Variants in TENM2 observed in about 807,000 individuals in gnomAD.
The protein encoded by TENM2 is teneurin transmembrane protein 2.
A neutral mutation model predicts 245.2 loss-of-function variants in TENM2; 52 were observed. The observed-to-expected ratio is 0.21, with a 90% confidence interval of 0.17 to 0.27. The LOEUF is 0.27. TENM2 is among the 10% of genes least tolerant of loss of function. The pLI is 1.00. For missense variants in TENM2, 3,046 were observed against 3,666.8 expected (o/e 0.83, Z 4.37); for synonymous variants, 1,363 against 1,438.9 (o/e 0.95, Z 1.19).
chr5:168,137,217 G>A (rs1755132675), intron 12 of TENM2, among the ~76,000 whole-genome samples: 1 of 152,220 alleles, frequency 6.6e-6, no homozygotes, highest in African/African-American at 2.4e-5. Context: ...TCCAAGTTTA[G>A]CCACCACAGC....
chr5:167,801,103 AAAAAAAATATATAT>A lies in TENM2; in HGVS notation c.503-74881_503-74868del, dbSNP rs1388564581. Among the ~76,000 whole-genome samples, 17 of 64,498 alleles carry A rather than the reference AAAAAAAATATATAT, an allele frequency of 2.6e-4. 1 individual carries two copies. In the South Asian group the frequency reaches 5.4e-3, roughly 20 times the overall value. The allele number at this position is 64,498 out of a possible 152,430, so 42.3% of individuals were successfully genotyped here. ...TTGAATGTATTTGAAAAGAAAAAAA[AAAAAAAATATATAT>A]ATATATATATATATATATATATATA... On this transcript the variant is annotated intron_variant, in intron 2 of 28. Coordinates refer to ENST00000518659, the Ensembl canonical transcript of TENM2.
intron 5 of TENM2, among the ~76,000 whole-genome samples, chr5:167,994,920 G>A (rs1262787113): frequency 1.3e-5 from 2 of 152,186 alleles, no homozygotes; most frequent in Non-Finnish European, 2.9e-5. Flanking sequence ...AGCTTTGTGT[G>A]CTTCTGCAGG....
At chr5:167,702,552 G>GTGTGTATATATATATA (rs58351767) in intron 2 of TENM2, among the ~76,000 whole-genome samples, 1 of 136,782 alleles carries the variant, frequency 7.3e-6, no homozygotes, top group Non-Finnish European at 1.5e-5. Context: ...GTGTGTGTGT[G>GTGTGTATATATATATA]TATATATATA....
At chr5:167,299,849 C>T (rs1229212719) in intron 1 of TENM2, among the ~76,000 whole-genome samples, 6 of 151,878 alleles carry the variant, frequency 4.0e-5, no homozygotes, top group Admixed American at 3.3e-4. Flanking sequence ...ATGGGAGACT[C>T]AACAAAGAGT....
At chr5:168,160,970 T>G (rs111605072) in intron 12 of TENM2, among the ~76,000 whole-genome samples, 3,806 of 152,108 alleles carry the variant, frequency 0.025, 160 homozygotes, top group African/African-American at 0.086. Flanking sequence ...GTTCAAGGTG[T>G]CAGTGAGCTA....
chr5:168,077,862 A>C (rs187511502), intron 7 of TENM2, among the ~76,000 whole-genome samples: 1 of 152,118 alleles, frequency 6.6e-6, no homozygotes, highest in Non-Finnish European at 1.5e-5. Flanking sequence ...AGTCTTTGCT[A>C]TTGTGAATAG....
At chr5:167,366,324 A>G (rs1303695926) in intron 1 of TENM2, among the ~76,000 whole-genome samples, 1 of 152,156 alleles carries the variant, frequency 6.6e-6, no homozygotes. Flanking sequence ...AAATTTTCTA[A>G]ATCAACTCAT....
the TENM2 span, among the ~76,000 whole-genome samples, chr5:167,262,969 C>A: frequency 5.6e-4 from 85 of 152,256 alleles, no homozygotes; most frequent in East Asian, 0.01. Context: ...CCACTGCATT[C>A]TCAACATGGT....
At chr5:167,852,240 T>C (rs1770648138) in intron 2 of TENM2, among the ~76,000 whole-genome samples, 1 of 152,226 alleles carries the variant, frequency 6.6e-6, no homozygotes, top group African/African-American at 2.4e-5. Flanking sequence ...GAACTTAATA[T>C]ATTATGTCAA....
the TENM2 span, among the ~76,000 whole-genome samples, chr5:166,996,622 A>G: frequency 6.6e-6 from 1 of 152,350 alleles, no homozygotes; most frequent in South Asian, 2.1e-4. Context: ...TTAAAGGGCT[A>G]TGATACAAAG....
chr5:167,452,771 T>G (rs1280461524), intron 2 of TENM2, among the ~76,000 whole-genome samples: 1 of 150,680 alleles, frequency 6.6e-6, no homozygotes, highest in African/African-American at 2.4e-5. Context: ...TCACACACCG[T>G]GGCCTGTTGT....
At chr5:167,299,839 A>AT (rs1377629772) in intron 1 of TENM2, among the ~76,000 whole-genome samples, 1 of 152,146 alleles carries the variant, frequency 6.6e-6, no homozygotes, top group Non-Finnish European at 1.5e-5. Flanking sequence ...AATGGTAATT[A>AT]TGGGAGACTC....
At chr5:168,015,821 C>A (rs1785604676) in intron 5 of TENM2, among the ~76,000 whole-genome samples, 1 of 152,210 alleles carries the variant, frequency 6.6e-6, no homozygotes, top group Non-Finnish European at 1.5e-5. Flanking sequence ...GTAGCTAACA[C>A]ATGGTGAGCA....
intron 2 of TENM2, among the ~76,000 whole-genome samples, chr5:167,386,969 T>C (rs1438144451): frequency 6.6e-6 from 1 of 152,172 alleles, no homozygotes; most frequent in Non-Finnish European, 1.5e-5. Flanking sequence ...TTCTTTTTGT[T>C]TGGTCTTGCT....
intron 1 of TENM2, among the ~76,000 whole-genome samples, chr5:167,326,605 G>A (rs533533333): frequency 9.2e-5 from 14 of 151,480 alleles, no homozygotes; most frequent in East Asian, 5.8e-4. Context: ...CCCAGGAGAC[G>A]GAGGTTGCAG....
At chr5:167,878,418 G>GT (rs1465967043) in intron 3 of TENM2, among the ~76,000 whole-genome samples, 1 of 152,134 alleles carries the variant, frequency 6.6e-6, no homozygotes, top group Non-Finnish European at 1.5e-5. Flanking sequence ...AACTGAGGGA[G>GT]TGAAGGCCCA....
At chr5:168,234,344 G>C (rs1765226440) in intron 25 of TENM2, among the ~76,000 whole-genome samples, 1 of 152,060 alleles carries the variant, frequency 6.6e-6, no homozygotes, top group South Asian at 2.1e-4. Flanking sequence ...CAGGGAGCTG[G>C]GGATCTGTGA....
At chr5:167,252,577 G>A in the TENM2 span, among the ~76,000 whole-genome samples, 2 of 152,074 alleles carry the variant, frequency 1.3e-5, no homozygotes, top group Non-Finnish European at 2.9e-5. Flanking sequence ...GATCTGTATG[G>A]GTTATACCTG....
the TENM2 span, among the ~76,000 whole-genome samples, chr5:167,207,564 C>G: frequency 1.3e-5 from 2 of 152,136 alleles, no homozygotes; most frequent in Admixed American, 1.3e-4. Flanking sequence ...CAGCCAGACA[C>G]GGAGTTAGAA....
Sources: gnomAD v4.1 joint callset for allele counts (sites outside exome capture counted in the v4.1 genomes callset) on GRCh38, gnomAD v4.1.1 for gene constraint, MANE v1.5 for transcripts, NCBI Gene and HGNC (gene_info 2026-07-23, HGNC 2026-07-21) for gene names.